PCDH15: variants seen among roughly 807,000 people sequenced by gnomAD.
PCDH15 encodes protocadherin-15.
PCDH15 carries 129 observed loss-of-function variants against 178.5 expected under a neutral mutation model. That is an observed-to-expected ratio of 0.72 (90% confidence interval 0.63 to 0.84). The LOEUF (loss-of-function observed/expected upper bound fraction) is 0.84, where lower values mean the gene tolerates loss of function less well. PCDH15 is among the 40% of genes least tolerant of loss of function. PCDH15 has a pLI of 0.00. For missense variants in PCDH15, 2,230 were observed against 2,099.9 expected (o/e 1.06, Z -1.21); for synonymous variants, 800 against 732.0 (o/e 1.09, Z -1.50).
At chr10:55,344,918 A>G (rs1351046828) in intron 2 of PCDH15, among the ~76,000 whole-genome samples, 1 of 152,102 alleles carries the variant, frequency 6.6e-6, no homozygotes, top group Non-Finnish European at 1.5e-5. Flanking sequence ...CTTAGAAAGC[A>G]GTAAGTAACA....
At chr10:54,079,258 T>C (rs2135946210) in intron 17 of PCDH15, 73 bp downstream of exon 17, 1 of 1,347,872 alleles carries the variant, frequency 7.4e-7, no homozygotes, top group Non-Finnish European at 1.1e-6. Flanking sequence ...TTCATGTCTG[T>C]GATACATTGT....
chr10:55,240,856 T>C (rs1841522254), intron 1 of PCDH15, among the ~76,000 whole-genome samples: 1 of 152,212 alleles, frequency 6.6e-6, no homozygotes. Context: ...AAAATTATAG[T>C]GCACTCTCAA....
At chr10:55,492,293 A>G (rs529830796) in intron 2 of PCDH15, among the ~76,000 whole-genome samples, 1 of 151,906 alleles carries the variant, frequency 6.6e-6, no homozygotes, top group African/African-American at 2.4e-5. Flanking sequence ...AATCACTCTC[A>G]CATTCAAGGC....
At chr10:53,990,797 A>C (rs1264311135) in intron 21 of PCDH15, among the ~76,000 whole-genome samples, 1 of 151,874 alleles carries the variant, frequency 6.6e-6, no homozygotes, top group Non-Finnish European at 1.5e-5. Flanking sequence ...CCCTGCTTGC[A>C]GGGAGGTGTG....
intron 2 of PCDH15, among the ~76,000 whole-genome samples, chr10:55,147,725 A>G (rs930308555): frequency 8.0e-5 from 12 of 150,622 alleles, no homozygotes; most frequent in Non-Finnish European, 1.3e-4. Context: ...GGTTAGTTAC[A>G]TATGTATACA....
At chr10:54,154,378 C>T (rs1364344939) in intron 13 of PCDH15, among the ~76,000 whole-genome samples, 2 of 152,014 alleles carry the variant, frequency 1.3e-5, no homozygotes, top group African/African-American at 4.8e-5. Context: ...AGTAAATTAA[C>T]CTACCTGTAG....
intron 2 of PCDH15, among the ~76,000 whole-genome samples, chr10:55,555,252 C>T (rs1022884978): frequency 3.3e-5 from 5 of 152,002 alleles, no homozygotes; most frequent in African/African-American, 1.2e-4. Context: ...CAGCTTATCC[C>T]TATCTTCAAA....
chr10:55,267,440 T>C (rs1278387262), intron 1 of PCDH15, among the ~76,000 whole-genome samples: 1 of 152,188 alleles, frequency 6.6e-6, no homozygotes, highest in Non-Finnish European at 1.5e-5. Flanking sequence ...GAGAAGTGTA[T>C]GTCAGCAAAA....
chr10:55,433,508 CA>C (rs1276822460), intron 2 of PCDH15, among the ~76,000 whole-genome samples: 1 of 152,038 alleles, frequency 6.6e-6, no homozygotes, highest in Non-Finnish European at 1.5e-5. Context: ...ATCTGAACAC[CA>C]AATCCCGATG....
chr10:54,070,904 T>G (rs531427277), intron 17 of PCDH15, among the ~76,000 whole-genome samples: 137 of 152,194 alleles, frequency 9.0e-4, no homozygotes, highest in African/African-American at 3.2e-3. Flanking sequence ...TCTTTTGTTT[T>G]TTGTTGTTGT....
chr10:54,427,703 AAT>A (rs1390044970), intron 3 of PCDH15, among the ~76,000 whole-genome samples: 2 of 152,176 alleles, frequency 1.3e-5, no homozygotes, highest in African/African-American at 2.4e-5. Flanking sequence ...TTTCTTTTAC[AAT>A]AAAAAGGTAT....
chr10:54,141,370 A>G (rs1323649899), intron 14 of PCDH15, among the ~76,000 whole-genome samples: 2 of 152,154 alleles, frequency 1.3e-5, no homozygotes, highest in African/African-American at 4.8e-5. Context: ...AAAATCTTAT[A>G]AAAGACTTAT....
chr10:54,724,828 A>G (rs1942224445), intron 1 of PCDH15, among the ~76,000 whole-genome samples: 2 of 151,088 alleles, frequency 1.3e-5, no homozygotes, highest in Non-Finnish European at 3.0e-5. Flanking sequence ...ACATATACAT[A>G]TTTGTTACAT....
intron 3 of PCDH15, among the ~76,000 whole-genome samples, chr10:54,462,563 G>A (rs1331453124): frequency 7.9e-6 from 1 of 126,168 alleles, no homozygotes; most frequent in African/African-American, 3.0e-5. Flanking sequence ...TACCCAGGCT[G>A]GAGTGCAGTG....
chr10:54,293,421 A>T (rs2059551067), intron 8 of PCDH15, among the ~76,000 whole-genome samples: 1 of 152,164 alleles, frequency 6.6e-6, no homozygotes, highest in Non-Finnish European at 1.5e-5. Context: ...ACACTTCATG[A>T]CTAAGACACC....
intron 1 of PCDH15, among the ~76,000 whole-genome samples, chr10:55,278,476 C>T (rs144817083): frequency 0.016 from 2,446 of 152,140 alleles, 69 homozygotes; most frequent in African/African-American, 0.056. Context: ...CCTCCCGTCT[C>T]GGCCTCCAAA....
At chr10:55,015,566 T>C (rs781643357) in intron 2 of PCDH15, among the ~76,000 whole-genome samples, 7 of 152,286 alleles carry the variant, frequency 4.6e-5, no homozygotes, top group South Asian at 2.1e-4. Flanking sequence ...TTATGTTATA[T>C]GGTCAACCGT....
intron 1 of PCDH15, among the ~76,000 whole-genome samples, chr10:54,671,956 C>T (rs1479585194): frequency 6.6e-6 from 1 of 152,094 alleles, no homozygotes; most frequent in Non-Finnish European, 1.5e-5. Context: ...CAGCCCCTCC[C>T]CATCATTCGC....
At chr10:55,186,741 C>T (rs1013147542) in intron 1 of PCDH15, among the ~76,000 whole-genome samples, 8 of 127,928 alleles carry the variant, frequency 6.3e-5, no homozygotes, top group Non-Finnish European at 1.1e-4. Flanking sequence ...ACATACTCTC[C>T]TCTGTGTGTG....
Sources: gnomAD v4.1 joint callset for allele counts (sites outside exome capture counted in the v4.1 genomes callset) on GRCh38, gnomAD v4.1.1 for gene constraint, MANE v1.5 for transcripts, NCBI Gene and HGNC (gene_info 2026-07-23, HGNC 2026-07-21) for gene names.